Variants in HDLBP observed in about 807,000 individuals in gnomAD.
The protein encoded by HDLBP is high density lipoprotein binding protein.
HDLBP carries 30 observed loss-of-function variants against 137.3 expected under a neutral mutation model. The observed-to-expected ratio is 0.22, with a 90% CI of 0.16 to 0.30. The LOEUF (loss-of-function observed/expected upper bound fraction) is 0.30. Among genes scored for constraint, HDLBP ranks in the 10% least tolerant of loss-of-function variants. The pLI, the probability that HDLBP is intolerant of heterozygous loss-of-function variation, is 1.00. For missense variants in HDLBP, 1,119 were observed against 1,667.3 expected, an observed-to-expected ratio of 0.67 and a Z score of 5.73; for synonymous variants, 606 against 596.0, an observed-to-expected ratio of 1.02 and a Z score of -0.24.
At chr2:241,310,451 A>G (rs1218866685) in intron 1 of HDLBP, among the ~76,000 whole-genome samples, 9 of 152,248 alleles carry the variant, frequency 5.9e-5, no homozygotes, top group Non-Finnish European at 1.2e-4. Context: ...AAGTATTTGA[A>G]GTGATGAATT....
At chr2:241,278,451 C>T (rs1372049403) in intron 1 of HDLBP, among the ~76,000 whole-genome samples, 1 of 151,940 alleles carries the variant, frequency 6.6e-6, no homozygotes, top group Non-Finnish European at 1.5e-5. Context: ...GGCATGGTGG[C>T]ACATGCCTGT....
chr2:241,247,924 G>C, intron 14 of HDLBP, 79 bp downstream of exon 14: 1 of 950,728 alleles, frequency 1.1e-6, no homozygotes, highest in Non-Finnish European at 1.7e-6. Flanking sequence ...GGTCCTGTGG[G>C]GGTCAGGACT....
intron 24 of HDLBP, among the ~76,000 whole-genome samples, chr2:241,232,947 CTCAAAGAT>C (rs2069952063): frequency 6.6e-6 from 1 of 151,718 alleles, no homozygotes; most frequent in Non-Finnish European, 1.5e-5. Context: ...GTGTGTGTGA[CTCAAAGAT>C]CCAAAAGGGA....
chr2:241,256,147 C>T (rs368161454), intron 7 of HDLBP, 37 bp downstream of exon 7: 4 of 1,548,712 alleles, frequency 2.6e-6, no homozygotes, highest in African/African-American at 2.7e-5. Context: ...CATTTCTATT[C>T]CTGCCCATGG....
rs190380019 is a variant in HDLBP, at chr2:241,264,167, T to C, written c.234+281A>G. 7.9e-3 allele frequency among the ~76,000 whole-genome samples: 1,194 copies of C among 151,752 alleles called. 12 individuals carry two copies. Among genetic ancestry groups the C allele is most frequent in the African/African-American group, 0.027 (1,118 of 41,402 alleles). On this transcript the variant is annotated intron_variant, in intron 4 of 27. Coordinates refer to ENST00000310931, the MANE Select transcript of HDLBP (RefSeq NM_005336.6). ...TCACGAGGTCAGGAGATGGAGACCA[T>C]CCTTGTTAAGATGGTGAAACCCCGT... is the stretch of plus-strand genomic sequence containing the variant.
intron 14 of HDLBP, among the ~76,000 whole-genome samples, chr2:241,247,670 T>C (rs2071786310): frequency 6.6e-6 from 1 of 152,258 alleles, no homozygotes; most frequent in African/African-American, 2.4e-5. Flanking sequence ...TCATGTCACC[T>C]GTTATACCTC....
At chr2:241,247,244 G>C in intron 14 of HDLBP, 102 bp from the exon 15 acceptor site, 1 of 738,226 alleles carries the variant, frequency 1.4e-6, no homozygotes, top group Non-Finnish European at 2.4e-6. Flanking sequence ...CAGAGCACTG[G>C]TATTTGCAAA....
rs759403524 is a variant in HDLBP at position 241,266,854 on chromosome 2, C to T, written c.16G>A (p.Val6Ile). The part of the protein sequence containing the change: MSSVA[V>I]LTQESFAEHR... ...TCAGCAAAACTCTCTTGGGTCAAAA[C>T]TGCAACGGAACTCATGGTTGATCTC... The change falls in exon 3 of 28, where the codon GTT becomes ATT. Residue 6 changes from valine to isoleucine, a missense_variant. By Grantham distance (29) the Val-to-Ile change is conservative (BLOSUM62 3). Coordinates refer to ENST00000310931, the MANE Select transcript of HDLBP (RefSeq NM_005336.6). 1 of 1,614,192 alleles carries T rather than the reference C, an allele frequency of 6.2e-7. No individual in the cohort carries two copies. The highest frequency in any genetic ancestry group is 8.5e-7 in the Non-Finnish European group (1 of 1,180,000).
Position 241,264,438 on chromosome 2 carries a change from G to T in HDLBP, c.234+10C>A. The T allele has an allele frequency of 6.4e-7, 1 of 1,571,514 alleles. No homozygotes were observed. The highest frequency in any genetic ancestry group is 8.7e-7 in the Non-Finnish European group (1 of 1,155,088). On this transcript the variant is annotated intron_variant, in intron 4 of 27. Transcript: ENST00000310931. ...GATAAAATTTTTAAAAGAAAGAATG[G>T]TGTTTCTACCTGAGTGATGACAGAA...
chr2:241,251,395 A>G (rs2072154249), intron 11 of HDLBP, among the ~76,000 whole-genome samples: 3 of 152,244 alleles, frequency 2.0e-5, no homozygotes, highest in African/African-American at 7.2e-5. Flanking sequence ...AAATGCCCAC[A>G]AAACATAAGA....
chr2:241,280,604 G>A (rs2074559434), intron 1 of HDLBP, among the ~76,000 whole-genome samples: 2 of 152,264 alleles, frequency 1.3e-5, no homozygotes, highest in South Asian at 2.1e-4. Flanking sequence ...GTGAAAATAC[G>A]TAACTTGTGT....
chr2:241,291,272 G>A (rs1311271154), intron 1 of HDLBP, among the ~76,000 whole-genome samples: 1 of 152,090 alleles, frequency 6.6e-6, no homozygotes, highest in Non-Finnish European at 1.5e-5. Flanking sequence ...CAAGAGACTG[G>A]GGTTCCTTAG....
chr2:241,255,073 T>G lies in HDLBP; in HGVS notation c.1166A>C (p.Lys389Thr), dbSNP rs777790935. The G allele has an allele frequency of 1.2e-6, 2 of 1,613,866 alleles. No individual in the cohort carries two copies. The highest frequency in any genetic ancestry group is 1.7e-6 in the Non-Finnish European group (2 of 1,179,736). Residue 389 changes from lysine to threonine, a missense_variant, in exon 9 of 28, where the codon AAA (lysine) becomes ACA (threonine). By Grantham distance (78) the Lys-to-Thr change is moderately conservative. Around this residue, in one of 4 missense-constraint regions of HDLBP, gnomAD observed 425 missense variants for 693.9 expected, o/e 0.61. Transcript: ENST00000310931. ...IIGKKGQNLA[K>T]ITQQMPKVHI... is the part of the protein sequence containing the mutation. ...TACCTTTGGCATCTGCTGAGTGATT[T>G]TGGCCAGGTTCTGCCCTTTCTTGCC...
At position 241,272,411 on chromosome 2, in the gene HDLBP, G is replaced by T; in HGVS notation, c.-102-3870C>A. Reference sequence around the variant, plus strand: ...GCGCCGTGCGGCCACGGCACCAGGGGTGCCCCACCGAAGCCCCGGGAGGAG... The same window carrying T: ...GCGCCGTGCGGCCACGGCACCAGGGTTGCCCCACCGAAGCCCCGGGAGGAG... On this transcript the variant is annotated intron_variant, in intron 1 of 27. Transcript: ENST00000310931. This position sits in a 1 kb window ranked among gnomAD's most constrained non-coding sequence, Gnocchi z 5.6. The T allele has an allele frequency of 1.0e-6, 1 of 984,540 alleles. No homozygotes were observed. Among genetic ancestry groups the T allele is most frequent in the Non-Finnish European group, 1.2e-6 (1 of 829,636 alleles). The allele number at this position is 984,540 out of a possible 1,614,324, so 61.0% of individuals were successfully genotyped here. A position where few individuals can be genotyped will look rare whatever the true frequency, so the allele number is the denominator to read the frequency against.
In HDLBP at chr2:241,240,906, C is replaced by A. The variant is rs2071149468; in HGVS notation, c.2170-784G>T. Reference sequence around the variant, plus strand: ...CCTTTCTCCGGACCCAAGATCTGGCCCGCAAGCAAAAATACCAAAGAAAAA... The same window carrying A: ...CCTTTCTCCGGACCCAAGATCTGGCACGCAAGCAAAAATACCAAAGAAAAA... On this transcript the variant is annotated intron_variant, in intron 17 of 27. Coordinates refer to ENST00000310931, the MANE Select transcript of HDLBP (RefSeq NM_005336.6). This position sits in a 1 kb window ranked among gnomAD's most constrained non-coding sequence, Gnocchi z 5.5. 6.6e-6 allele frequency among the ~76,000 whole-genome samples: 1 copy of A among 152,062 alleles called. No homozygotes were observed. Among genetic ancestry groups the A allele is most frequent in the South Asian group, 2.1e-4 (1 of 4,814 alleles).
At chr2:241,235,632 G>T in intron 21 of HDLBP, 38 bp from the exon 22 acceptor site, 1 of 1,438,244 alleles carries the variant, frequency 7.0e-7, no homozygotes, top group Non-Finnish European at 9.8e-7. Context: ...CGTGGGAGCT[G>T]AGAGCAGAGT....
chr2:241,247,175 C>A lies in HDLBP; in HGVS notation c.1732-33G>T, dbSNP rs758419805. 2.8e-5 allele frequency: 39 copies of A among 1,373,848 alleles called. No individual in the cohort carries two copies. The Admixed American group carries it at 6.5e-4, about 23-fold the overall frequency. 85.1% of individuals were successfully genotyped at this position (1,373,848 alleles called of 1,614,324 possible). A position where few individuals can be genotyped will look rare whatever the true frequency, so the allele number is the denominator to read the frequency against. Reference sequence around the variant, plus strand: ...ACAAAAAACACAGCCCGATTCACCACCTGTGCTAGAGAGTAAAATACAGTA... The same window carrying A: ...ACAAAAAACACAGCCCGATTCACCAACTGTGCTAGAGAGTAAAATACAGTA... On this transcript the variant is annotated intron_variant, in intron 14 of 27. Coordinates refer to ENST00000310931, the MANE Select transcript of HDLBP (RefSeq NM_005336.6).
At chr2:241,266,208 AT>A (rs2073662450) in intron 3 of HDLBP, among the ~76,000 whole-genome samples, 1 of 152,216 alleles carries the variant, frequency 6.6e-6, no homozygotes, top group Non-Finnish European at 1.5e-5. Flanking sequence ...ATAATCTCAA[AT>A]ATCAATGGTT....
intron 16 of HDLBP, among the ~76,000 whole-genome samples, chr2:241,246,019 A>G (rs2071643915): frequency 1.3e-5 from 2 of 152,232 alleles, no homozygotes; most frequent in Admixed American, 6.5e-5. Context: ...CCCTTGAAAG[A>G]CACTAATTAC....
Sources: gnomAD v4.1 joint callset for allele counts (sites outside exome capture counted in the v4.1 genomes callset) on GRCh38, gnomAD v4.1.1 for gene constraint, gnomAD v4.1.1 regional missense constraint, Gnocchi (gnomAD v3.1) non-coding constraint, MANE v1.5 for transcripts, NCBI Gene and HGNC (gene_info 2026-07-23, HGNC 2026-07-21) for gene names.